Variants in GABBR2 observed in about 807,000 individuals in gnomAD.
The protein encoded by GABBR2 is G-protein coupled receptor 51.
GABBR2 carries 23 observed loss-of-function variants against 105.6 expected under a neutral mutation model. The ratio of observed to expected loss-of-function variants is 0.22; its 90% CI spans 0.16 to 0.31. The LOEUF (loss-of-function observed/expected upper bound fraction) is 0.31. Ranked by LOEUF, GABBR2 falls within the 10% of genes least tolerant of loss-of-function variation. GABBR2 has a pLI of 1.00. For synonymous variants in GABBR2, 478 were observed against 499.7 expected, an observed-to-expected ratio of 0.96 and a Z score of 0.58; for missense variants, 734 against 1,245.5, an observed-to-expected ratio of 0.59 and a Z score of 6.18.
At chr9:98,412,305 GTC>G (rs1832605112) in intron 7 of GABBR2, among the ~76,000 whole-genome samples, 1 of 152,248 alleles carries the variant, frequency 6.6e-6, no homozygotes, top group African/African-American at 2.4e-5. Flanking sequence ...CTGAGGGACA[GTC>G]TCTGCAGATC....
At chr9:98,401,587 T>C (rs1832395513) in intron 8 of GABBR2, among the ~76,000 whole-genome samples, 1 of 152,124 alleles carries the variant, frequency 6.6e-6, no homozygotes, top group Admixed American at 6.6e-5. Context: ...TCCTGAAGGA[T>C]TATGGACTAT....
At chr9:98,599,335 C>T (rs1414669339) in intron 1 of GABBR2, among the ~76,000 whole-genome samples, 1 of 152,188 alleles carries the variant, frequency 6.6e-6, no homozygotes, top group African/African-American at 2.4e-5. Flanking sequence ...TGTAGACAAG[C>T]AGAACAATGA....
At chr9:98,473,591 T>A (rs998861725) in intron 5 of GABBR2, among the ~76,000 whole-genome samples, 2 of 152,176 alleles carry the variant, frequency 1.3e-5, no homozygotes, top group Admixed American at 6.5e-5. Flanking sequence ...ATATAAATTA[T>A]GTTTCCTGAA....
rs535837507 is a variant in GABBR2, at chr9:98,641,406, C to T, written c.322-63334G>A. Among the ~76,000 whole-genome samples the T allele has an allele frequency of 1.4e-4, 21 of 151,536 alleles. 1 individual carries two copies. The South Asian group carries it at 2.3e-3, about 17-fold the overall frequency. On this transcript the variant is annotated intron_variant, in intron 1 of 18. Transcript: ENST00000259455. ...GCCCACCTCGGCCTCCCAAAGTGCT[C>T]GGATTACAGGCGTGAGCCACCACAC...
In GABBR2 at chr9:98,362,839, T is replaced by C. The variant is rs780652343; in HGVS notation, c.1771-2A>G. On this transcript the variant is annotated splice_acceptor_variant, in intron 12 of 18. Coordinates refer to ENST00000259455, the MANE Select transcript of GABBR2 (RefSeq NM_005458.8). LOFTEE classifies it high-confidence loss of function. ...AAGCAGTTTCTGGTCCTTGATGATC[T>C]ACAGAGCGGGAAGGAGCAGAGGGGA... 1 of 1,576,132 alleles carries C rather than the reference T, an allele frequency of 6.3e-7. No homozygotes were observed. The highest frequency in any genetic ancestry group is 8.6e-7 in the Non-Finnish European group (1 of 1,162,796).
At chr9:98,367,979 A>T (rs1033972213) in intron 12 of GABBR2, among the ~76,000 whole-genome samples, 6 of 152,146 alleles carry the variant, frequency 3.9e-5, no homozygotes, top group African/African-American at 1.4e-4. Flanking sequence ...ACCCTTTTTA[A>T]GTGGAGAGTT....
At chr9:98,297,761 C>A (rs1299938562) in intron 17 of GABBR2, among the ~76,000 whole-genome samples, 1 of 151,630 alleles carries the variant, frequency 6.6e-6, no homozygotes, top group Admixed American at 6.6e-5. Flanking sequence ...GTGGCTCATG[C>A]CTATAATCCC....
chr9:98,466,401 C>A (rs1342155753), intron 6 of GABBR2, among the ~76,000 whole-genome samples: 1 of 152,154 alleles, frequency 6.6e-6, no homozygotes, highest in Non-Finnish European at 1.5e-5. Flanking sequence ...TTTTCTTGAC[C>A]TGGGTGGTAG....
chr9:98,646,856 A>C (rs1177259512), intron 1 of GABBR2, among the ~76,000 whole-genome samples: 3 of 152,128 alleles, frequency 2.0e-5, no homozygotes, highest in African/African-American at 7.2e-5. Flanking sequence ...ACAGGGCATC[A>C]AAAGTAGGCC....
At chr9:98,680,844 A>T (rs972281860) in intron 1 of GABBR2, among the ~76,000 whole-genome samples, 1 of 152,220 alleles carries the variant, frequency 6.6e-6, no homozygotes, top group African/African-American at 2.4e-5. Context: ...AACTATGTAT[A>T]ATGTGTCATT....
At chr9:98,508,408 C>A (rs1008763137) in intron 3 of GABBR2, among the ~76,000 whole-genome samples, 1 of 152,208 alleles carries the variant, frequency 6.6e-6, no homozygotes, top group Non-Finnish European at 1.5e-5. Flanking sequence ...GAGTGCCAGA[C>A]AGTAAGTGCA....
chr9:98,411,693 C>A (rs552621926), intron 7 of GABBR2, among the ~76,000 whole-genome samples: 1 of 152,148 alleles, frequency 6.6e-6, no homozygotes. Context: ...TCCCAAGTAG[C>A]TGGGACCATA....
At chr9:98,657,190 C>G (rs1265991749) in intron 1 of GABBR2, among the ~76,000 whole-genome samples, 1 of 152,152 alleles carries the variant, frequency 6.6e-6, no homozygotes, top group Non-Finnish European at 1.5e-5. Flanking sequence ...TCCATGATGC[C>G]CCATCTTTAG....
chr9:98,454,226 A>G lies in GABBR2; in HGVS notation c.1000-9T>C, dbSNP rs376181517. ...TCATACTGCTGTGGAGTCTGGAAAA[A>G]CAGGGGATTGGGGGAATCCCAAGTT... is the stretch of plus-strand genomic sequence containing the variant. On this transcript the variant is annotated splice_polypyrimidine_tract_variant and intron_variant, in intron 6 of 18. Coordinates refer to ENST00000259455, the MANE Select transcript of GABBR2 (RefSeq NM_005458.8). The surrounding 1 kb of genome is among the most constrained non-coding windows in gnomAD (Gnocchi z 4.6). 4 of 1,589,318 alleles carry G rather than the reference A, an allele frequency of 2.5e-6. No individual in the cohort carries two copies. The highest frequency in any genetic ancestry group is 3.5e-6 in the Non-Finnish European group (4 of 1,157,614).
chr9:98,561,497 CAGAA>C (rs1426185083), intron 2 of GABBR2, among the ~76,000 whole-genome samples: 1 of 151,616 alleles, frequency 6.6e-6, no homozygotes, highest in Non-Finnish European at 1.5e-5. Context: ...GGAAGAGAAA[CAGAA>C]AGAAGCAGGA....
intron 2 of GABBR2, among the ~76,000 whole-genome samples, chr9:98,543,057 G>A (rs867438093): frequency 7.9e-5 from 12 of 151,946 alleles, no homozygotes; most frequent in South Asian, 2.1e-4. Context: ...ATTTACACTC[G>A]ATAGTCAAAG....
intron 1 of GABBR2, among the ~76,000 whole-genome samples, chr9:98,580,355 C>T (rs1163703594): frequency 6.6e-6 from 1 of 152,102 alleles, no homozygotes; most frequent in African/African-American, 2.4e-5. Flanking sequence ...TATCTGAAAT[C>T]ATCTTGTCTA....
chr9:98,321,456 A>G (rs897425521), intron 13 of GABBR2, among the ~76,000 whole-genome samples: 4 of 152,218 alleles, frequency 2.6e-5, no homozygotes, highest in Admixed American at 6.5e-5. Context: ...ACCTGGCAGA[A>G]GTCATCAGGG....
intron 6 of GABBR2, among the ~76,000 whole-genome samples, chr9:98,466,734 T>A (rs1046171662): frequency 3.3e-5 from 5 of 152,202 alleles, no homozygotes; most frequent in Non-Finnish European, 5.9e-5. Context: ...TTGCACAACA[T>A]CACTGTATTA....
Sources: allele counts gnomAD v4.1 joint callset (sites outside exome capture counted in the v4.1 genomes callset), GRCh38; gene constraint gnomAD v4.1.1; non-coding constraint Gnocchi (gnomAD v3.1); transcripts MANE v1.5; gene names NCBI Gene and HGNC (gene_info 2026-07-23, HGNC 2026-07-21).